The following MAJIN variants were observed in gnomAD, a reference collection of about 807,000 sequenced individuals.
MAJIN encodes membrane anchored junction protein, also known as membrane-anchored junction protein.
In MAJIN, 27 loss-of-function variants were observed where a neutral mutation model predicts 30.2. The observed-to-expected ratio is 0.89, with a 90% confidence interval of 0.66 to 1.23. The LOEUF (loss-of-function observed/expected upper bound fraction) is 1.23. Among genes scored for constraint, MAJIN ranks in the 50% most tolerant of loss-of-function variants. The pLI is 0.00. For missense variants in MAJIN, 253 were observed against 260.3 expected (o/e 0.97, Z 0.19); for synonymous variants, 78 against 91.6 (o/e 0.85, Z 0.85).
chr11:64,954,600 GA>G, intron 4 of MAJIN, 156 bp downstream of exon 4: 1 of 753,762 alleles, frequency 1.3e-6, no homozygotes, highest in South Asian at 1.5e-5. Flanking sequence ...AATTCCCATG[GA>G]AAAACATAAA....
chr11:64,945,347 G>C (rs558352141), intron 8 of MAJIN, among the ~76,000 whole-genome samples: 4 of 152,046 alleles, frequency 2.6e-5, no homozygotes, highest in Non-Finnish European at 5.9e-5. Context: ...GACAGAGCGA[G>C]ACTGTGTCTC....
chr11:64,950,488 A>G, intron 4 of MAJIN, 58 bp from the exon 5 acceptor site: 1 of 1,498,224 alleles, frequency 6.7e-7, no homozygotes, highest in Non-Finnish European at 9.3e-7. Context: ...GTCTTTGTTT[A>G]TATTTGTCAC....
chr11:64,938,616 T>TCC (rs1482797863), intron 10 of MAJIN, 43 bp from the exon 11 acceptor site: 70 of 1,522,208 alleles, frequency 4.6e-5, no homozygotes, highest in Non-Finnish European at 5.7e-5. Flanking sequence ...CTATGAGGTC[T>TCC]CCTTCCCTTC....
chr11:64,948,616 TATATATATATATATATATATATA>T (rs1434721936), intron 6 of MAJIN, among the ~76,000 whole-genome samples: 5 of 40,424 alleles, frequency 1.2e-4, no homozygotes, highest in Admixed American at 3.5e-4. Flanking sequence ...TATATATATA[TATATATATATATATATATATATA>T]TTTTTTTTTT....
At chr11:64,940,011 C>T in intron 9 of MAJIN, 1 of 401,618 alleles carries the variant, frequency 2.5e-6, no homozygotes, top group Non-Finnish European at 4.5e-6. Flanking sequence ...CAGCCATGCA[C>T]TCTGGCTGGT....
At chr11:64,942,269 G>C (rs546522949) in intron 8 of MAJIN, among the ~76,000 whole-genome samples, 1 of 151,426 alleles carries the variant, frequency 6.6e-6, no homozygotes, top group Non-Finnish European at 1.5e-5. Context: ...TTTTTTTCCC[G>C]TTTTTTAGAA....
At chr11:64,957,471 T>G (rs570102898) in intron 3 of MAJIN, among the ~76,000 whole-genome samples, 5 of 152,286 alleles carry the variant, frequency 3.3e-5, no homozygotes, top group African/African-American at 1.2e-4. Context: ...AGCGGCGCGA[T>G]CTGCTCACTG....
intron 1 of MAJIN, among the ~76,000 whole-genome samples, 157 bp downstream of exon 1, chr11:64,971,720 G>C (rs1228046440): frequency 6.6e-6 from 1 of 152,174 alleles, no homozygotes; most frequent in African/African-American, 2.4e-5. Context: ...AGCTTGCTGG[G>C]TGTCCCGAGA....
chr11:64,967,675 A>C (rs1945833634), intron 1 of MAJIN, among the ~76,000 whole-genome samples: 1 of 152,154 alleles, frequency 6.6e-6, no homozygotes, highest in African/African-American at 2.4e-5. Flanking sequence ...GTGGGCAAGA[A>C]AGACAATGCT....
intron 1 of MAJIN, among the ~76,000 whole-genome samples, chr11:64,964,866 G>T (rs1310492167): frequency 6.6e-6 from 1 of 152,110 alleles, no homozygotes; most frequent in Non-Finnish European, 1.5e-5. Context: ...CATTACAGGT[G>T]TGAGCCACTG....
intron 8 of MAJIN, among the ~76,000 whole-genome samples, chr11:64,942,956 C>T (rs1186709191): frequency 6.6e-6 from 1 of 152,130 alleles, no homozygotes. Context: ...TACAGCCTAC[C>T]GCTGAACCAG....
intron 4 of MAJIN, among the ~76,000 whole-genome samples, chr11:64,951,646 T>A (rs1011841042): frequency 3.3e-5 from 5 of 151,820 alleles, no homozygotes; most frequent in African/African-American, 1.2e-4. Flanking sequence ...ACGCCAGTAG[T>A]CCCAGCTACT....
intron 1 of MAJIN, among the ~76,000 whole-genome samples, chr11:64,969,084 G>C (rs182498706): frequency 1.0e-3 from 153 of 152,310 alleles, no homozygotes; most frequent in African/African-American, 3.4e-3. Flanking sequence ...ATGGCTCTCA[G>C]ATTTTTTTGC....
At position 64,955,914 on chromosome 11, in the gene MAJIN, C is replaced by T. The variant is rs140078710; in HGVS notation, c.102-1112G>A. On this transcript the variant is annotated intron_variant, in intron 3 of 10. Coordinates refer to ENST00000301896, the MANE Select transcript of MAJIN (RefSeq NM_001037225.3). ...GGCGCAGTGGCTCACGCCTGTTAAT[C>T]CCGGCGCTTTGGGAGGCCAAGGCAG... Among the ~76,000 whole-genome samples, 365 of 152,334 alleles carry T rather than the reference C, an allele frequency of 2.4e-3. 2 individuals carry two copies. Among genetic ancestry groups the T allele is most frequent in the African/African-American group, 8.3e-3 (347 of 41,592 alleles).
At chr11:64,946,393 G>T (rs1412947431) in intron 8 of MAJIN, among the ~76,000 whole-genome samples, 2 of 152,188 alleles carry the variant, frequency 1.3e-5, no homozygotes, top group Non-Finnish European at 2.9e-5. Context: ...TTGACAGCAG[G>T]TATCAGATTT....
intron 8 of MAJIN, 112 bp downstream of exon 8, chr11:64,947,259 CTGA>C (rs1945464620): frequency 1.3e-6 from 1 of 786,176 alleles, no homozygotes; most frequent in Non-Finnish European, 2.0e-6. Flanking sequence ...TAGGCAGATA[CTGA>C]TGAAGTCCTG....
chr11:64,944,894 A>G (rs1945427582), intron 8 of MAJIN, among the ~76,000 whole-genome samples: 1 of 152,206 alleles, frequency 6.6e-6, no homozygotes, highest in African/African-American at 2.4e-5. Context: ...TAGAGAATAT[A>G]TAGAAAAGAA....
chr11:64,954,276 A>G (rs1945598046), intron 4 of MAJIN: 1 of 251,786 alleles, frequency 4.0e-6, no homozygotes, highest in Non-Finnish European at 7.8e-6. Flanking sequence ...ACCTAAAGCT[A>G]GAGGAACCGG....
At chr11:64,964,706 C>T (rs1473269565) in intron 1 of MAJIN, among the ~76,000 whole-genome samples, 4 of 151,666 alleles carry the variant, frequency 2.6e-5, no homozygotes, top group Non-Finnish European at 5.9e-5. Context: ...CATGCCTCGG[C>T]GTCTCGAGTA....
Sources: allele counts gnomAD v4.1 joint callset (sites outside exome capture counted in the v4.1 genomes callset), GRCh38; gene constraint gnomAD v4.1.1; transcripts MANE v1.5; gene names NCBI Gene and HGNC (gene_info 2026-07-23, HGNC 2026-07-21).